The following SGCD variants were observed in gnomAD, a reference collection of about 807,000 sequenced individuals.
The protein encoded by SGCD is sarcoglycan delta.
Under a neutral mutation model 36.6 loss-of-function variants are expected in SGCD, and 18 were observed. That is an observed-to-expected ratio of 0.49 (90% confidence interval 0.34 to 0.73). SGCD has a LOEUF of 0.73. Among genes scored for constraint, SGCD ranks in the 30% least tolerant of loss-of-function variants. The pLI, the probability that SGCD is intolerant of heterozygous loss-of-function variation, is 0.01. For synonymous variants in SGCD, 133 were observed against 130.6 expected (o/e 1.02, Z -0.12); for missense variants, 387 against 346.7 (o/e 1.12, Z -0.92).
chr5:156,737,166 C>T (rs1425851456), intron 7 of SGCD, among the ~76,000 whole-genome samples: 1 of 152,140 alleles, frequency 6.6e-6, no homozygotes, highest in Non-Finnish European at 1.5e-5. Context: ...TTAAGTACTT[C>T]CTCAATTTTA....
intron 6 of SGCD, among the ~76,000 whole-genome samples, chr5:156,602,119 A>T (rs374540004): frequency 3.9e-5 from 6 of 152,098 alleles, no homozygotes; most frequent in Admixed American, 2.6e-4. Flanking sequence ...TCTTCAATTT[A>T]TTTCATCAAT....
rs1190242037 is a variant in SGCD, at chr5:156,156,679, G to A, written c.-44+32660G>A. ...CTGTACAGAACACCCCAAACCTATCGAATTAGAGATTCCAGGGGTGGAGAC... is the reference window on the plus strand; with the variant it reads ...CTGTACAGAACACCCCAAACCTATCAAATTAGAGATTCCAGGGGTGGAGAC... On this transcript the variant is annotated intron_variant, in intron 3 of 9. Coordinates refer to the SGCD transcript ENST00000517913. Among the ~76,000 whole-genome samples the A allele has an allele frequency of 5.9e-5, 9 of 151,388 alleles. No homozygotes were observed. In the East Asian group the frequency reaches 1.5e-3, roughly 26 times the overall value.
the SGCD span, among the ~76,000 whole-genome samples, chr5:155,750,051 T>A: frequency 1.3e-5 from 2 of 152,190 alleles, no homozygotes. Context: ...CCATTTTTTT[T>A]CCATTTAAAG....
chr5:156,448,981 T>C (rs1753873885), intron 3 of SGCD, among the ~76,000 whole-genome samples: 1 of 152,086 alleles, frequency 6.6e-6, no homozygotes, highest in Non-Finnish European at 1.5e-5. Flanking sequence ...CTGGAACTCC[T>C]GACCTCAAGT....
intron 1 of SGCD, among the ~76,000 whole-genome samples, chr5:156,117,300 C>A (rs981811082): frequency 1.3e-5 from 2 of 151,862 alleles, no homozygotes; most frequent in African/African-American, 4.8e-5. Flanking sequence ...GTGTTATGCC[C>A]ATTTTATAGG....
chr5:156,028,808 A>G (rs962888939), intron 1 of SGCD, among the ~76,000 whole-genome samples: 1 of 152,186 alleles, frequency 6.6e-6, no homozygotes, highest in African/African-American at 2.4e-5. Flanking sequence ...ATCGTCTTTC[A>G]CAAGGAAGAG....
At chr5:155,890,185 A>G (rs1362363336) in intron 1 of SGCD, among the ~76,000 whole-genome samples, 4 of 152,356 alleles carry the variant, frequency 2.6e-5, no homozygotes, top group Non-Finnish European at 4.4e-5. Flanking sequence ...AACAACCACC[A>G]TGAAGAAACA....
chr5:156,483,635 T>G (rs1755536485), intron 3 of SGCD, among the ~76,000 whole-genome samples: 1 of 152,242 alleles, frequency 6.6e-6, no homozygotes, highest in African/African-American at 2.4e-5. Context: ...TCTGCATTTC[T>G]TAATCTCTCT....
chr5:156,346,320 G>T (rs901953310), intron 3 of SGCD, among the ~76,000 whole-genome samples: 2 of 151,920 alleles, frequency 1.3e-5, no homozygotes, highest in Non-Finnish European at 2.9e-5. Flanking sequence ...TTATGTATAG[G>T]CAGGGTCTCA....
intron 3 of SGCD, among the ~76,000 whole-genome samples, chr5:156,398,571 G>C (rs975601711): frequency 3.3e-5 from 5 of 152,278 alleles, no homozygotes; most frequent in African/African-American, 1.2e-4. Flanking sequence ...CCATAATGTG[G>C]AGTTGTTGCT....
intron 3 of SGCD, among the ~76,000 whole-genome samples, chr5:156,478,232 T>G (rs116267957): frequency 0.019 from 2,952 of 152,318 alleles, 33 homozygotes; most frequent in Non-Finnish European, 0.032. Context: ...TCACTAAGAT[T>G]GATAAGGGAC....
At chr5:156,735,772 G>A (rs1004056709) in intron 7 of SGCD, among the ~76,000 whole-genome samples, 1 of 152,104 alleles carries the variant, frequency 6.6e-6, no homozygotes, top group African/African-American at 2.4e-5. Context: ...ACTTTCCTAG[G>A]GGTATCTATG....
At chr5:156,032,116 C>G (rs2127575880) in intron 1 of SGCD, among the ~76,000 whole-genome samples, 1 of 151,800 alleles carries the variant, frequency 6.6e-6, no homozygotes, top group Non-Finnish European at 1.5e-5. Context: ...CACTATATGG[C>G]TTATGCTTGT....
intron 1 of SGCD, among the ~76,000 whole-genome samples, chr5:155,922,228 T>C (rs899887942): frequency 5.9e-5 from 9 of 152,260 alleles, no homozygotes; most frequent in Admixed American, 5.2e-4. Context: ...AGACAAGGTC[T>C]TTGAGGTGAC....
At chr5:156,554,703 T>C (rs1349587050) in intron 4 of SGCD, among the ~76,000 whole-genome samples, 1 of 151,048 alleles carries the variant, frequency 6.6e-6, no homozygotes, top group Non-Finnish European at 1.5e-5. Flanking sequence ...CAAGCATCCA[T>C]TGTGGATCTT....
At chr5:156,724,670 T>G (rs1755684355) in intron 7 of SGCD, among the ~76,000 whole-genome samples, 1 of 152,086 alleles carries the variant, frequency 6.6e-6, no homozygotes, top group African/African-American at 2.4e-5. Flanking sequence ...TTCTAAAGAC[T>G]TATTATGGTG....
At chr5:156,752,286 A>G (rs547646373) in intron 7 of SGCD, among the ~76,000 whole-genome samples, 8 of 152,282 alleles carry the variant, frequency 5.3e-5, no homozygotes, top group South Asian at 4.1e-4. Flanking sequence ...AATAGTTGTT[A>G]CTCCCGGGGG....
chr5:155,770,209 G>T, the SGCD span, among the ~76,000 whole-genome samples: 1 of 152,034 alleles, frequency 6.6e-6, no homozygotes, highest in Non-Finnish European at 1.5e-5. Context: ...TTACAACTTG[G>T]GAGAAGCACT....
At chr5:156,403,198 A>T (rs1301441255) in intron 3 of SGCD, among the ~76,000 whole-genome samples, 1 of 152,120 alleles carries the variant, frequency 6.6e-6, no homozygotes, top group Non-Finnish European at 1.5e-5. Context: ...AAGTCACAGC[A>T]GTGCACTTCA....
Sources: allele counts gnomAD v4.1 joint callset (sites outside exome capture counted in the v4.1 genomes callset), GRCh38; gene constraint gnomAD v4.1.1; transcripts MANE v1.5; gene names NCBI Gene and HGNC (gene_info 2026-07-23, HGNC 2026-07-21).